The following SGIP1 variants were observed in gnomAD, a reference collection of about 807,000 sequenced individuals.
The protein encoded by SGIP1 is SH3GL interacting endocytic adaptor 1.
A neutral mutation model predicts 107.5 loss-of-function variants in SGIP1; 38 were observed. That is an observed-to-expected ratio of 0.35 (90% CI 0.27 to 0.46). The LOEUF is 0.46. Among genes scored for constraint, SGIP1 ranks in the 20% least tolerant of loss-of-function variants. The pLI is 1.00. For synonymous variants in SGIP1, 365 were observed against 366.1 expected, an observed-to-expected ratio of 1.00 and a Z score of 0.03; for missense variants, 929 against 1,019.5, an observed-to-expected ratio of 0.91 and a Z score of 1.21.
In SGIP1 at chr1:66,595,187, CA is replaced by C. The variant is rs1263058687; in HGVS notation, c.11-30659del. ...TGCTGATCATTGGCTTTTCAGCTGG[CA>C]TGACCTTTCTTTAGCTCTGTTAACA... On this transcript the variant is annotated intron_variant, in intron 1 of 24. Coordinates refer to ENST00000371037, the MANE Select transcript of SGIP1 (RefSeq NM_032291.4). 3.9e-5 allele frequency among the ~76,000 whole-genome samples: 6 copies of C among 152,312 alleles called. No homozygotes were observed. In the East Asian group the frequency reaches 1.2e-3, roughly 29 times the overall value.
Position 66,695,272 on chromosome 1 carries a change from G to A in SGIP1, c.1571-162G>A, listed in dbSNP as rs941204795. 3.5e-4 allele frequency: 302 copies of A among 873,570 alleles called. 1 individual carries two copies. The East Asian group carries it at 4.4e-3, about 13-fold the overall frequency. 54.1% of individuals were successfully genotyped at this position (873,570 alleles called of 1,614,324 possible). On this transcript the variant is annotated intron_variant, in intron 17 of 24. Coordinates refer to ENST00000371037, the MANE Select transcript of SGIP1 (RefSeq NM_032291.4). ...TCCTGAACTAAAAAAAAAAAAAAAA[G>A]TGTAGATTGCCAGCCTTCCCTTTTT...
intron 18 of SGIP1, among the ~76,000 whole-genome samples, chr1:66,710,213 C>T (rs1055389837): frequency 3.9e-5 from 6 of 152,076 alleles, no homozygotes; most frequent in South Asian, 2.1e-4. Context: ...AGCACACTTA[C>T]CTTTTCAAGT....
intron 1 of SGIP1, among the ~76,000 whole-genome samples, chr1:66,572,738 G>T (rs994311579): frequency 1.3e-5 from 2 of 151,988 alleles, no homozygotes; most frequent in African/African-American, 4.8e-5. Context: ...ACATAAAAGG[G>T]TCTCCTCTTC....
rs369680259 is a variant in SGIP1, at chr1:66,676,136, G to T, written c.647-868G>T. ...ATCCTCTTCATAACTCTCTAAGGTT[G>T]CTTTTATTATCTCCACTTTACACTA... On this transcript the variant is annotated intron_variant, in intron 12 of 24. Transcript: ENST00000371037. 6.6e-5 allele frequency among the ~76,000 whole-genome samples: 10 copies of T among 152,252 alleles called. No homozygotes were observed. In the East Asian group the frequency reaches 1.7e-3, roughly 26 times the overall value.
chr1:66,736,163 CA>C (rs2094224267), intron 21 of SGIP1, among the ~76,000 whole-genome samples: 1 of 146,146 alleles, frequency 6.8e-6, no homozygotes, highest in South Asian at 2.1e-4. Flanking sequence ...TATAAAATAA[CA>C]CATTATATTC....
At chr1:66,561,785 G>A (rs747263916) in intron 1 of SGIP1, among the ~76,000 whole-genome samples, 7 of 151,976 alleles carry the variant, frequency 4.6e-5, no homozygotes, top group Non-Finnish European at 7.4e-5. Flanking sequence ...GCTTTAGATA[G>A]CAGAGGCCTT....
intron 8 of SGIP1, among the ~76,000 whole-genome samples, chr1:66,667,241 G>A (rs1484453957): frequency 6.6e-6 from 1 of 152,030 alleles, no homozygotes; most frequent in East Asian, 1.9e-4. Context: ...TGTCAGTAAA[G>A]TTTTCTTGTA....
intron 19 of SGIP1, 111 bp from the exon 20 acceptor site, chr1:66,729,153 A>G: frequency 1.4e-5 from 17 of 1,231,944 alleles, no homozygotes; most frequent in Admixed American, 2.4e-5. Context: ...CCTGCCTTTT[A>G]TCTCTTCTGC....
chr1:66,615,500 G>T (rs2069051746), intron 1 of SGIP1, among the ~76,000 whole-genome samples: 1 of 152,152 alleles, frequency 6.6e-6, no homozygotes, highest in African/African-American at 2.4e-5. Context: ...CATGTAGTAA[G>T]AATTTATAGA....
intron 9 of SGIP1, among the ~76,000 whole-genome samples, chr1:66,668,162 A>C (rs191167810): frequency 4.9e-4 from 75 of 152,164 alleles, no homozygotes; most frequent in Non-Finnish European, 8.2e-4. Flanking sequence ...CAAAGTGAAA[A>C]CTGTCGTTTT....
chr1:66,623,397 G>C (rs540858364), intron 1 of SGIP1, among the ~76,000 whole-genome samples: 4 of 151,998 alleles, frequency 2.6e-5, no homozygotes, highest in Non-Finnish European at 5.9e-5. Context: ...CTACAGGTGT[G>C]CACCACCACT....
At chr1:66,619,435 A>G (rs920809643) in intron 1 of SGIP1, among the ~76,000 whole-genome samples, 1 of 152,200 alleles carries the variant, frequency 6.6e-6, no homozygotes, top group Non-Finnish European at 1.5e-5. Context: ...CCAGTGTTAG[A>G]ACCTGGCTTT....
At chr1:66,650,064 A>G (rs541664357) in intron 7 of SGIP1, among the ~76,000 whole-genome samples, 1 of 152,210 alleles carries the variant, frequency 6.6e-6, no homozygotes, top group Non-Finnish European at 1.5e-5. Context: ...TATAGAGCCT[A>G]GGGCACATTT....
chr1:66,631,391 C>A (rs887067994), intron 2 of SGIP1, among the ~76,000 whole-genome samples: 4 of 152,194 alleles, frequency 2.6e-5, no homozygotes, highest in African/African-American at 7.2e-5. Context: ...ATTTCCACAT[C>A]CAGGTAATGT....
chr1:66,620,453 A>T (rs1229930076), intron 1 of SGIP1, among the ~76,000 whole-genome samples: 1 of 152,226 alleles, frequency 6.6e-6, no homozygotes, highest in Admixed American at 6.5e-5. Context: ...ACAGTTCCAC[A>T]TGGCTGGGGA....
intron 1 of SGIP1, among the ~76,000 whole-genome samples, chr1:66,574,424 T>G (rs146464525): frequency 7.9e-5 from 12 of 152,142 alleles, no homozygotes; most frequent in African/African-American, 2.7e-4. Flanking sequence ...TTGGTGCTTA[T>G]CTCCAACTCT....
At chr1:66,608,240 A>G (rs2067228584) in intron 1 of SGIP1, among the ~76,000 whole-genome samples, 1 of 152,254 alleles carries the variant, frequency 6.6e-6, no homozygotes, top group Non-Finnish European at 1.5e-5. Context: ...ATAATGCATG[A>G]AAAGTACATG....
rs541178857 is a variant in SGIP1, at chr1:66,743,326, G to A, written c.*231G>A. 8.0e-4 allele frequency: 319 copies of A among 400,686 alleles called. 1 individual carries two copies. The highest frequency in any genetic ancestry group is 2.0e-3 in the South Asian group (58 of 29,020). 24.8% of individuals were successfully genotyped at this position (400,686 alleles called of 1,614,324 possible). On this transcript the variant is annotated 3_prime_UTR_variant, in exon 25 of 25. Coordinates refer to ENST00000371037, the MANE Select transcript of SGIP1 (RefSeq NM_032291.4). ...TTAATGGTTTTAAAATGTAATTATTGTATTTGTAAATTGTACTCTCATTCC... is the reference window on the plus strand; with the variant it reads ...TTAATGGTTTTAAAATGTAATTATTATATTTGTAAATTGTACTCTCATTCC...
chr1:66,647,799 T>C (rs1273466263), intron 7 of SGIP1, among the ~76,000 whole-genome samples: 1 of 152,200 alleles, frequency 6.6e-6, no homozygotes, highest in African/African-American at 2.4e-5. Flanking sequence ...AGGCAGGCTG[T>C]TCCATTGCTG....
Sources: gnomAD v4.1 joint callset for allele counts (sites outside exome capture counted in the v4.1 genomes callset) on GRCh38, gnomAD v4.1.1 for gene constraint, MANE v1.5 for transcripts, NCBI Gene and HGNC (gene_info 2026-07-23, HGNC 2026-07-21) for gene names.